PDGFRA: variants seen among roughly 807,000 people sequenced by gnomAD.
PDGFRA encodes the protein platelet-derived growth factor receptor alpha.
PDGFRA carries 25 observed loss-of-function variants against 121.5 expected under a neutral mutation model. That is an observed-to-expected ratio of 0.21 (90% CI 0.15 to 0.29). The LOEUF (loss-of-function observed/expected upper bound fraction) is 0.29, where lower values mean the gene tolerates loss of function less well. PDGFRA is among the 10% of genes least tolerant of loss of function. PDGFRA has a pLI of 1.00. For synonymous variants in PDGFRA, 463 were observed against 494.8 expected (o/e 0.94, Z 0.85); for missense variants, 1,008 against 1,345.1 (o/e 0.75, Z 3.92).
chr4:54,267,502 G>T, intron 6 of PDGFRA, 42 bp downstream of exon 6: 1 of 1,613,554 alleles, frequency 6.2e-7, no homozygotes, highest in Non-Finnish European at 8.5e-7. Flanking sequence ...CATGCTGCTC[G>T]GGATCCATAT....
At chr4:54,287,765 T>G (rs1724428466) in intron 19 of PDGFRA, among the ~76,000 whole-genome samples, 1 of 152,196 alleles carries the variant, frequency 6.6e-6, no homozygotes, top group African/African-American at 2.4e-5. Context: ...ACTCCTGGCC[T>G]CTGCCCCTCC....
intron 16 of PDGFRA, among the ~76,000 whole-genome samples, chr4:54,283,600 T>C (rs545850457): frequency 2.0e-5 from 3 of 152,372 alleles, no homozygotes; most frequent in South Asian, 4.1e-4. Flanking sequence ...AAGGCCTTTT[T>C]CCCATTGTTT....
intron 16 of PDGFRA, among the ~76,000 whole-genome samples, chr4:54,285,060 A>AT (rs1724269791): frequency 6.6e-6 from 1 of 151,424 alleles, no homozygotes; most frequent in Admixed American, 6.6e-5. Context: ...TGCCTGGCTA[A>AT]TTTTTTTGTA....
At chr4:54,278,142 G>A (rs1723844246) in intron 14 of PDGFRA, 136 bp downstream of exon 14, 3 of 735,530 alleles carry the variant, frequency 4.1e-6, no homozygotes, top group Admixed American at 2.1e-5. Context: ...GAGCTGACTG[G>A]TCCCTTGAAT....
In PDGFRA at chr4:54,263,905, A is replaced by G. The variant is rs1560469378; in HGVS notation, c.606A>G (p.Pro202=). Residue 202 remains proline, a synonymous_variant, in exon 4 of 23, where the codon CCA becomes CCG. Transcript: ENST00000257290. ...TVKGKKFQTI[P]FNVYALKATS... ...AAGGAAAGAAGTTCCAGACCATCCC[A>G]TTTAATGTTTATGCTTTAAAAGGTA... 1 of 1,613,946 alleles carries G rather than the reference A, an allele frequency of 6.2e-7. No individual in the cohort carries two copies. Among genetic ancestry groups the G allele is most frequent in the Non-Finnish European group, 8.5e-7 (1 of 1,179,932 alleles).
intron 22 of PDGFRA, 64 bp from the exon 23 acceptor site, chr4:54,295,061 G>A (rs1724808648): frequency 6.8e-7 from 1 of 1,480,036 alleles, no homozygotes; most frequent in Non-Finnish European, 9.5e-7. Context: ...GTCTCTGGGG[G>A]GCCACAGTCT....
intron 5 of PDGFRA, 180 bp downstream of exon 5, chr4:54,265,229 A>T (rs549416339): frequency 1.5e-6 from 1 of 645,302 alleles, no homozygotes; most frequent in Admixed American, 2.2e-5. Flanking sequence ...TCAATGGGAG[A>T]GTTTGAAATG....
chr4:54,271,325 G>T (rs1309349720), intron 8 of PDGFRA, among the ~76,000 whole-genome samples: 1 of 152,210 alleles, frequency 6.6e-6, no homozygotes, highest in Non-Finnish European at 1.5e-5. Flanking sequence ...GATCCTCACA[G>T]TAAAACCTGT....
rs1199478075 is a variant in PDGFRA at position 54,255,796 on chromosome 4, C to T, written c.-12-2961C>T. Among the ~76,000 whole-genome samples, 55 of 152,124 alleles carry T rather than the reference C, an allele frequency of 3.6e-4. 1 individual carries two copies. The highest frequency in any genetic ancestry group is 3.9e-4 in the Admixed American group (6 of 15,272). ...CTGGGATTACAGGCGTGAGCCACTG[C>T]GCCCTTCCCTCCTTTTTTTTTTAAA... On this transcript the variant is annotated intron_variant, in intron 1 of 22. Transcript: ENST00000257290.
At chr4:54,267,768 C>A in intron 7 of PDGFRA, 27 bp downstream of exon 7, 1 of 1,591,240 alleles carries the variant, frequency 6.3e-7, no homozygotes, top group Non-Finnish European at 8.6e-7. Flanking sequence ...CCCAAGTATG[C>A]CTTTTTTTAG....
intron 1 of PDGFRA, among the ~76,000 whole-genome samples, chr4:54,239,016 A>G (rs1367028219): frequency 6.6e-6 from 1 of 152,190 alleles, no homozygotes; most frequent in African/African-American, 2.4e-5. Flanking sequence ...CAAAACCAGA[A>G]TGCAGTGAAG....
chr4:54,261,029 C>T (rs2110241296), intron 2 of PDGFRA, 66 bp from the exon 3 acceptor site: 1 of 1,409,868 alleles, frequency 7.1e-7, no homozygotes, highest in Non-Finnish European at 1.0e-6. Flanking sequence ...TGTTGCTTCT[C>T]TCAGTTGTCG....
intron 1 of PDGFRA, among the ~76,000 whole-genome samples, chr4:54,242,170 A>G (rs1382925433): frequency 1.3e-5 from 2 of 152,126 alleles, no homozygotes; most frequent in Non-Finnish European, 2.9e-5. Context: ...GGCTTAGAGA[A>G]TGAGAGGTTT....
chr4:54,233,856 T>C (rs1720851567), intron 1 of PDGFRA, among the ~76,000 whole-genome samples: 1 of 152,198 alleles, frequency 6.6e-6, no homozygotes, highest in Admixed American at 6.5e-5. Flanking sequence ...TTTACGACCC[T>C]GCGTTATTGT....
intron 1 of PDGFRA, among the ~76,000 whole-genome samples, chr4:54,249,066 A>G (rs1417031422): frequency 6.6e-6 from 1 of 152,194 alleles, no homozygotes; most frequent in Non-Finnish European, 1.5e-5. Flanking sequence ...AAGTCAGGAA[A>G]CAACAGGTGC....
intron 1 of PDGFRA, among the ~76,000 whole-genome samples, chr4:54,247,254 G>C (rs1275379437): frequency 6.6e-6 from 1 of 152,186 alleles, no homozygotes; most frequent in Non-Finnish European, 1.5e-5. Context: ...AAGCCAGGCA[G>C]AGACACAACC....
chr4:54,267,136 C>A (rs955282135), intron 5 of PDGFRA, among the ~76,000 whole-genome samples, 153 bp from the exon 6 acceptor site: 1 of 152,136 alleles, frequency 6.6e-6, no homozygotes, highest in African/African-American at 2.4e-5. Context: ...ACATGTGTAG[C>A]CTCCCACCTT....
intron 16 of PDGFRA, among the ~76,000 whole-genome samples, chr4:54,284,272 T>G (rs1724203920): frequency 6.6e-6 from 1 of 152,204 alleles, no homozygotes; most frequent in African/African-American, 2.4e-5. Context: ...TCTTCCTGTC[T>G]TCTTCTGAGC....
At chr4:54,253,046 T>C (rs1309296730) in intron 1 of PDGFRA, among the ~76,000 whole-genome samples, 1 of 151,720 alleles carries the variant, frequency 6.6e-6, no homozygotes, top group African/African-American at 2.4e-5. Flanking sequence ...CATCTTTGAA[T>C]GGTCTTTATA....
Sources: gnomAD v4.1 joint callset for allele counts (sites outside exome capture counted in the v4.1 genomes callset) on GRCh38, gnomAD v4.1.1 for gene constraint, MANE v1.5 for transcripts, NCBI Gene and HGNC (gene_info 2026-07-23, HGNC 2026-07-21) for gene names.